RPS6KA6: variants seen among roughly 807,000 people sequenced by gnomAD.
The protein encoded by RPS6KA6 is ribosomal protein S6 kinase A6.
In RPS6KA6, 27 loss-of-function variants were observed where a neutral mutation model predicts 65.4. The ratio of observed to expected loss-of-function variants is 0.41; its 90% CI spans 0.30 to 0.57. The LOEUF is 0.57. Among genes scored for constraint, RPS6KA6 ranks in the 20% least tolerant of loss-of-function variants. RPS6KA6 has a pLI of 0.24. For synonymous variants in RPS6KA6, 190 were observed against 184.2 expected (o/e 1.03, Z -0.26); for missense variants, 486 against 555.6 (o/e 0.87, Z 1.26).
At chrX:84,117,203 G>C in intron 10 of RPS6KA6, 55 bp from the exon 11 acceptor site, 3 of 969,416 alleles carry the variant, frequency 3.1e-6, no homozygotes, top group Non-Finnish European at 4.3e-6. Context: ...TTTTTGATTT[G>C]AAAAATCTCA....
intron 8 of RPS6KA6, among the ~76,000 whole-genome samples, chrX:84,120,561 C>T (rs2034652047): frequency 9.0e-6 from 1 of 110,915 alleles, no homozygotes; most frequent in Non-Finnish European, 1.9e-5. Context: ...AAATATCAAA[C>T]ATGAAATCTA....
chrX:84,085,048 T>C (rs1012870294), intron 20 of RPS6KA6, among the ~76,000 whole-genome samples: 1 of 111,940 alleles, frequency 8.9e-6, no homozygotes. Flanking sequence ...TCTTTGCAAA[T>C]TGATTTTGTA....
chrX:84,082,716 C>G (rs929789188), intron 20 of RPS6KA6, among the ~76,000 whole-genome samples: 1 of 111,698 alleles, frequency 9.0e-6, no homozygotes, highest in African/African-American at 3.3e-5. Flanking sequence ...GCTACAGTAA[C>G]CAAAACAGCA....
intron 21 of RPS6KA6, 43 bp from the exon 22 acceptor site, chrX:84,064,445 G>C (rs1414653666): frequency 1.8e-6 from 2 of 1,084,053 alleles, no homozygotes; most frequent in Non-Finnish European, 1.2e-6. Context: ...ACAAATTCTG[G>C]AGTTAAAAAA....
chrX:84,178,464 T>A (rs2035801454), intron 1 of RPS6KA6, among the ~76,000 whole-genome samples: 1 of 112,018 alleles, frequency 8.9e-6, no homozygotes. Flanking sequence ...CAGAAATTAT[T>A]TTGTTTTTTA....
chrX:84,071,604 T>C (rs1214865885), intron 20 of RPS6KA6, among the ~76,000 whole-genome samples: 1 of 108,170 alleles, frequency 9.2e-6, no homozygotes, highest in South Asian at 3.9e-4. Flanking sequence ...ATAATAAACA[T>C]CAGAGAAGAA....
At chrX:84,124,945 A>G (rs192710312) in intron 8 of RPS6KA6, among the ~76,000 whole-genome samples, 4 of 112,236 alleles carry the variant, frequency 3.6e-5, no homozygotes. Flanking sequence ...GAGCCCCAAT[A>G]CACCTGGCAG....
At chrX:84,108,093 T>A (rs2034395647) in intron 12 of RPS6KA6, among the ~76,000 whole-genome samples, 1 of 112,225 alleles carries the variant, frequency 8.9e-6, no homozygotes, top group African/African-American at 3.2e-5. Context: ...AAAATATTGT[T>A]TTCACATAAA....
chrX:84,131,932 T>A (rs2034905182), intron 8 of RPS6KA6, among the ~76,000 whole-genome samples: 1 of 111,976 alleles, frequency 8.9e-6, no homozygotes, highest in South Asian at 3.7e-4. Flanking sequence ...AATAATTTGA[T>A]GAATAGTTAC....
intron 20 of RPS6KA6, among the ~76,000 whole-genome samples, chrX:84,084,763 A>G (rs1022283870): frequency 5.4e-5 from 6 of 112,040 alleles, no homozygotes; most frequent in Middle Eastern, 4.7e-3. Context: ...ATGGTAGTTT[A>G]GTGGGAATAC....
intron 1 of RPS6KA6, among the ~76,000 whole-genome samples, chrX:84,185,507 C>G (rs2035916916): frequency 8.9e-6 from 1 of 111,801 alleles, no homozygotes; most frequent in Non-Finnish European, 1.9e-5. Flanking sequence ...GAGTCTCAAA[C>G]AACCAATTTA....
At chrX:84,125,833 G>A (rs1031461470) in intron 8 of RPS6KA6, among the ~76,000 whole-genome samples, 13 of 110,209 alleles carry the variant, frequency 1.2e-4, no homozygotes, top group African/African-American at 4.0e-4. Context: ...CAGCCTGGGC[G>A]ACAGAGCAAG....
rs1423333421 is a variant in RPS6KA6, at chrX:84,104,597, G to C, written c.1516C>G (p.Leu506Val). The change falls in exon 17 of 22, where the codon CTT becomes GTT. Residue 506 changes from leucine (L) to valine (V), a missense_variant. Leu to Val is a conservative substitution (Grantham distance 32). Transcript: ENST00000262752. The stretch of plus-strand genomic sequence containing the variant: ...CATTTTTGTTTGAGAATACGGTCAA[G>C]TAACTCTCCTCCTTTCATTAAATCC... Reference protein sequence around the residue: ...VTDLMKGGELLDRILKQKCFS... With the variant: ...VTDLMKGGELVDRILKQKCFS... The C allele has an allele frequency of 8.5e-7, 1 of 1,181,202 alleles. No homozygotes were observed. The highest frequency in any genetic ancestry group is 1.1e-6 in the Non-Finnish European group (1 of 876,980).
chrX:84,101,941 A>G (rs1434685374), intron 18 of RPS6KA6, 96 bp downstream of exon 18: 1 of 716,893 alleles, frequency 1.4e-6, no homozygotes, highest in Non-Finnish European at 1.9e-6. Flanking sequence ...GCAAGGTAAC[A>G]GCTTTTATCT....
intron 8 of RPS6KA6, among the ~76,000 whole-genome samples, chrX:84,122,129 A>G (rs1201775328): frequency 9.0e-6 from 1 of 111,625 alleles, no homozygotes; most frequent in Non-Finnish European, 1.9e-5. Flanking sequence ...TATTGCTGAA[A>G]GAGGCACTGA....
At chrX:84,090,707 T>C (rs1032051577) in intron 20 of RPS6KA6, among the ~76,000 whole-genome samples, 6 of 111,220 alleles carry the variant, frequency 5.4e-5, no homozygotes, top group African/African-American at 2.0e-4. Flanking sequence ...ATGGGGGAAA[T>C]TGCCCCCATG....
At chrX:84,134,004 A>G (rs1402760738) in intron 8 of RPS6KA6, among the ~76,000 whole-genome samples, 1 of 112,278 alleles carries the variant, frequency 8.9e-6, no homozygotes, top group Non-Finnish European at 1.9e-5. Flanking sequence ...CCTATTTAAA[A>G]TTATCTGTAA....
At position 84,107,000 on chromosome X, in the gene RPS6KA6, G is replaced by C; in HGVS notation, c.1152C>G (p.Leu384=). ...GLPASANAHQ[L]FKGFSFVATS... The stretch of plus-strand genomic sequence containing the variant: ...TTGCAACAAAGCTGAATCCTTTGAA[G>C]AGCTGATGAGCATTTGCACTGGCTG... The change falls in exon 14 of 22, where the codon CTC becomes CTG. Residue 384 remains leucine, a synonymous_variant. Transcript: ENST00000262752. The C allele has an allele frequency of 8.3e-7, 1 of 1,201,917 alleles. No homozygotes were observed. The highest frequency in any genetic ancestry group is 1.8e-5 in the South Asian group (1 of 55,249).
At chrX:84,105,937 T>C in intron 15 of RPS6KA6, 61 bp from the exon 16 acceptor site, 1 of 627,945 alleles carries the variant, frequency 1.6e-6, no homozygotes, top group Non-Finnish European at 2.5e-6. Flanking sequence ...CTAAAATGAG[T>C]ATTTTCCATT....
Sources: allele counts gnomAD v4.1 joint callset (sites outside exome capture counted in the v4.1 genomes callset), GRCh38; gene constraint gnomAD v4.1.1; transcripts MANE v1.5; gene names NCBI Gene and HGNC (gene_info 2026-07-23, HGNC 2026-07-21).